Variants in FRMPD4 observed in about 807,000 individuals in gnomAD.
FRMPD4 encodes FERM and PDZ domain containing 4.
FRMPD4 carries 22 observed loss-of-function variants against 94.1 expected under a neutral mutation model. The observed-to-expected ratio is 0.23, with a 90% CI of 0.17 to 0.33. The LOEUF (loss-of-function observed/expected upper bound fraction) is 0.33. Among genes scored for constraint, FRMPD4 ranks in the 10% least tolerant of loss-of-function variants. The probability of loss-of-function intolerance (pLI) is 1.00; values close to 1 mark genes in which losing one functional copy is unlikely to be tolerated. For missense variants in FRMPD4, 1,111 were observed against 1,339.9 expected (o/e 0.83, Z 2.67); for synonymous variants, 631 against 548.6 (o/e 1.15, Z -2.10).
intron 1 of FRMPD4, among the ~76,000 whole-genome samples, chrX:12,248,781 G>A (rs2053991213): frequency 8.9e-6 from 1 of 112,433 alleles, no homozygotes; most frequent in Admixed American, 9.4e-5. Context: ...GCTTACACCT[G>A]TAATCCCAGC....
At position 12,721,639 on chromosome X, in the gene FRMPD4, A is replaced by G. The variant is rs2042241967; in HGVS notation, c.5070A>G (p.Arg1690=). 2.1e-5 allele frequency: 16 copies of G among 754,527 alleles called. No homozygotes were observed. The highest frequency in any genetic ancestry group is 2.5e-5 in the Non-Finnish European group (16 of 637,702). The allele number at this position is 754,527 out of a possible 1,213,427, so 62.2% of individuals were successfully genotyped here. A position where few individuals can be genotyped will look rare whatever the true frequency, so the allele number is the denominator to read the frequency against. ...VLCCLTEACM[R]LVKVVNSETQ... Reference sequence around the variant, plus strand: ...GTTGCCTAACAGAAGCTTGCATGCGATTAGTTAAAGTCGTGAACTCAGAAA... The same window carrying G: ...GTTGCCTAACAGAAGCTTGCATGCGGTTAGTTAAAGTCGTGAACTCAGAAA... The change falls in exon 17 of 17, where the codon CGA becomes CGG. Residue 1690 remains arginine, a synonymous_variant. Coordinates refer to ENST00000675598, the MANE Select transcript of FRMPD4 (RefSeq NM_001368397.1).
At chrX:12,221,950 A>G (rs1034961432) in intron 1 of FRMPD4, among the ~76,000 whole-genome samples, 1 of 112,359 alleles carries the variant, frequency 8.9e-6, no homozygotes, top group Non-Finnish European at 1.9e-5. Context: ...AGTTTAGCTC[A>G]TAAGTGAAAA....
chrX:12,072,927 A>G (rs1601918473), intron 3 of FRMPD4, among the ~76,000 whole-genome samples: 1 of 107,515 alleles, frequency 9.3e-6, no homozygotes, highest in South Asian at 3.9e-4. Context: ...ATTTATATAT[A>G]TATGTATATA....
chrX:11,913,822 C>G (rs1207258739), intron 3 of FRMPD4, among the ~76,000 whole-genome samples: 1 of 112,015 alleles, frequency 8.9e-6, no homozygotes, highest in Non-Finnish European at 1.9e-5. Flanking sequence ...TGAAATCAAA[C>G]TAGGGAAGAA....
intron 2 of FRMPD4, among the ~76,000 whole-genome samples, chrX:12,560,058 T>C (rs1199369674): frequency 8.9e-6 from 1 of 112,117 alleles, no homozygotes; most frequent in African/African-American, 3.2e-5. Flanking sequence ...ATGACACTTT[T>C]TTCAAAACCT....
intron 1 of FRMPD4, among the ~76,000 whole-genome samples, chrX:12,399,981 C>T (rs2056590571): frequency 1.8e-5 from 2 of 112,036 alleles, no homozygotes; most frequent in Non-Finnish European, 3.8e-5. Context: ...ATATAGCAAT[C>T]TTGTCCCACA....
At chrX:12,696,988 C>G (rs1478396056) in intron 9 of FRMPD4, among the ~76,000 whole-genome samples, 2 of 111,675 alleles carry the variant, frequency 1.8e-5, no homozygotes, top group Non-Finnish European at 3.8e-5. Flanking sequence ...TGAGGCCAGT[C>G]AAATTTTCCC....
At chrX:12,008,502 A>G (rs1361174857) in intron 3 of FRMPD4, among the ~76,000 whole-genome samples, 3 of 112,693 alleles carry the variant, frequency 2.7e-5, no homozygotes, top group Non-Finnish European at 3.7e-5. Context: ...TGTAATCTCA[A>G]ATATATGTGC....
Position 12,722,478 on chromosome X carries a change from G to A in FRMPD4, c.*620G>A, listed in dbSNP as rs1312446428. On this transcript the variant is annotated 3_prime_UTR_variant, in exon 17 of 17. Transcript: ENST00000675598. Reference sequence around the variant, plus strand: ...TTTAATTTGGGTTTTTGCTACTGGGGCTACAAATTGGTGGGGATGGATTCT... The same window carrying A: ...TTTAATTTGGGTTTTTGCTACTGGGACTACAAATTGGTGGGGATGGATTCT... The A allele has an allele frequency of 9.0e-6, 1 of 111,266 alleles. No individual in the cohort carries two copies. Among genetic ancestry groups the A allele is most frequent in the Non-Finnish European group, 1.9e-5 (1 of 53,036 alleles). 9.2% of individuals were successfully genotyped at this position (111,266 alleles called of 1,213,427 possible). A position where few individuals can be genotyped will look rare whatever the true frequency, so the allele number is the denominator to read the frequency against.
intron 2 of FRMPD4, among the ~76,000 whole-genome samples, chrX:11,870,547 C>A (rs1203903525): frequency 1.8e-5 from 2 of 111,625 alleles, no homozygotes; most frequent in African/African-American, 6.5e-5. Context: ...GCCTCCCAGA[C>A]AAAAGCAGGA....
rs1471061799 is a variant in FRMPD4 at position 12,722,083 on chromosome X, G to C, written c.*225G>C. ...ACACGTAAAAGAAATATCCAAGAAA[G>C]TGATGACATTTGGCTATTTTTCATA... On this transcript the variant is annotated 3_prime_UTR_variant, in exon 17 of 17. Transcript: ENST00000675598. 1 of 112,565 alleles carries C rather than the reference G, an allele frequency of 8.9e-6. No individual in the cohort carries two copies. The highest frequency in any genetic ancestry group is 3.3e-5 in the African/African-American group (1 of 30,590). 9.3% of individuals were successfully genotyped at this position (112,565 alleles called of 1,213,427 possible). A position where few individuals can be genotyped will look rare whatever the true frequency, so the allele number is the denominator to read the frequency against.
At chrX:12,579,175 A>G (rs2058840304) in intron 2 of FRMPD4, among the ~76,000 whole-genome samples, 1 of 112,506 alleles carries the variant, frequency 8.9e-6, no homozygotes, top group Non-Finnish European at 1.9e-5. Context: ...GCTCTGTAAT[A>G]TATAAAATGT....
intron 3 of FRMPD4, among the ~76,000 whole-genome samples, chrX:12,059,491 G>C (rs769774376): frequency 1.8e-5 from 2 of 110,544 alleles, no homozygotes; most frequent in South Asian, 3.9e-4. Flanking sequence ...TTTAGATTCA[G>C]GTGGTACATG....
chrX:12,082,396 CT>C (rs2055069831), intron 3 of FRMPD4, among the ~76,000 whole-genome samples: 2 of 111,906 alleles, frequency 1.8e-5, no homozygotes, highest in Non-Finnish European at 3.8e-5. Context: ...TAAGAAGTGC[CT>C]TTTGCCTCTT....
At chrX:12,565,948 G>C (rs2058707334) in intron 2 of FRMPD4, among the ~76,000 whole-genome samples, 1 of 111,792 alleles carries the variant, frequency 8.9e-6, no homozygotes, top group Non-Finnish European at 1.9e-5. Context: ...TTGTTCTAAA[G>C]CACAATTTTC....
chrX:12,528,838 T>A (rs1210648836), intron 2 of FRMPD4, among the ~76,000 whole-genome samples: 1 of 111,960 alleles, frequency 8.9e-6, no homozygotes, highest in African/African-American at 3.3e-5. Flanking sequence ...GTGTTAGGAG[T>A]CATTAAATAA....
At chrX:12,647,641 C>A (rs914942990) in intron 4 of FRMPD4, among the ~76,000 whole-genome samples, 6 of 111,817 alleles carry the variant, frequency 5.4e-5, no homozygotes, top group Non-Finnish European at 1.1e-4. Flanking sequence ...CACTCTATTG[C>A]AAATGTAATG....
At chrX:12,029,914 G>T (rs2054681999) in intron 3 of FRMPD4, among the ~76,000 whole-genome samples, 1 of 111,565 alleles carries the variant, frequency 9.0e-6, no homozygotes, top group Non-Finnish European at 1.9e-5. Flanking sequence ...TACCAAGGGG[G>T]TGAGAATCTT....
At chrX:12,612,684 G>T (rs2059194930) in intron 3 of FRMPD4, among the ~76,000 whole-genome samples, 1 of 112,530 alleles carries the variant, frequency 8.9e-6, no homozygotes, top group African/African-American at 3.2e-5. Context: ...TCTGAGAGTG[G>T]TTTTCTTATT....
Sources: gnomAD v4.1 joint callset for allele counts (sites outside exome capture counted in the v4.1 genomes callset) on GRCh38, gnomAD v4.1.1 for gene constraint, MANE v1.5 for transcripts, NCBI Gene and HGNC (gene_info 2026-07-23, HGNC 2026-07-21) for gene names.